The following PODXL2 variants were observed in gnomAD, a reference collection of about 807,000 sequenced individuals.
PODXL2 encodes the protein podocalyxin-like protein 2.
In PODXL2, 17 loss-of-function variants were observed where a neutral mutation model predicts 53.4. That is an observed-to-expected ratio of 0.32 (90% CI 0.22 to 0.48). The LOEUF is 0.48. Among genes scored for constraint, PODXL2 ranks in the 20% least tolerant of loss-of-function variants. PODXL2 has a pLI of 0.99. For synonymous variants in PODXL2, 311 were observed against 306.7 expected (o/e 1.01, Z -0.15); for missense variants, 673 against 760.0 (o/e 0.89, Z 1.35).
At chr3:127,633,902 G>A (rs1490564201) in intron 1 of PODXL2, among the ~76,000 whole-genome samples, 2 of 151,584 alleles carry the variant, frequency 1.3e-5, no homozygotes, top group Non-Finnish European at 2.9e-5. Context: ...GGACAGAGAT[G>A]GGGAGATACG....
Position 127,655,822 on chromosome 3 carries a change from G to A in PODXL2, c.350-4556G>A, listed in dbSNP as rs1576432050. Among the ~76,000 whole-genome samples, 3 of 152,230 alleles carry A rather than the reference G, an allele frequency of 2.0e-5. No homozygotes were observed. The South Asian group carries it at 6.2e-4, about 32-fold the overall frequency. On this transcript the variant is annotated intron_variant, in intron 2 of 7. Transcript: ENST00000342480. Reference sequence around the variant, plus strand: ...GAAGATGTAAATTTGGGAGCCTTTAGCATAGAGAAAATAGATGCAGCCTGT... The same window carrying A: ...GAAGATGTAAATTTGGGAGCCTTTAACATAGAGAAAATAGATGCAGCCTGT...
intron 4 of PODXL2, among the ~76,000 whole-genome samples, chr3:127,663,861 G>A (rs776022747): frequency 3.3e-5 from 5 of 152,100 alleles, no homozygotes; most frequent in South Asian, 4.1e-4. Context: ...CCTAAAGTTC[G>A]TATCTTTTTG....
At chr3:127,636,439 T>C (rs2107703551) in intron 1 of PODXL2, among the ~76,000 whole-genome samples, 1 of 152,344 alleles carries the variant, frequency 6.6e-6, no homozygotes, top group East Asian at 1.9e-4. Flanking sequence ...TAATTCATCC[T>C]CTCCCAGGAA....
Position 127,639,357 on chromosome 3 carries a change from A to G in PODXL2, c.183A>G (p.Ser61=). Residue 61 remains serine (S), a synonymous_variant, in exon 2 of 8, where the codon TCA becomes TCG. Coordinates refer to ENST00000342480, the MANE Select transcript of PODXL2 (RefSeq NM_015720.4). The part of the protein sequence containing the change: ...LLPTGLEPLD[S]EEPSETMGLG... ...CCACTGGCTTGGAGCCACTGGACTC[A>G]GAGGAGCCTAGTGAGACCATGGGCC... The G allele has an allele frequency of 6.2e-7, 1 of 1,614,194 alleles. No homozygotes were observed.
rs2074809510 is a variant in PODXL2 at position 127,668,450 on chromosome 3, C to T, written c.1216C>T (p.Arg406Trp). The change falls in exon 5 of 8, where the codon CGG becomes TGG. Residue 406 changes from arginine (R) to tryptophan (W), a missense_variant. Physicochemically the swap from Arg to Trp is moderately radical, Grantham distance 101 (BLOSUM62 -3). Around this residue, in one of 3 missense-constraint regions of PODXL2, gnomAD observed 588 missense variants for 668.3 expected, o/e 0.88. Transcript: ENST00000342480. ...MTENIDCEVF[R>W]QHRGPQLLAL... ...CTTTCTGCCCTTGTAGGAGGTGTTCCGGCAGCACCGGGGGCCACAGCTCCT... is the reference window on the plus strand; with the variant it reads ...CTTTCTGCCCTTGTAGGAGGTGTTCTGGCAGCACCGGGGGCCACAGCTCCT... 1.3e-6 allele frequency: 2 copies of T among 1,536,338 alleles called. No individual in the cohort carries two copies. Among genetic ancestry groups the T allele is most frequent in the Non-Finnish European group, 8.8e-7 (1 of 1,141,940 alleles).
intron 4 of PODXL2, among the ~76,000 whole-genome samples, chr3:127,668,160 G>T (rs946662971): frequency 2.0e-5 from 3 of 151,212 alleles, no homozygotes; most frequent in Admixed American, 6.6e-5. Context: ...CCCCCGCCCC[G>T]CTCAACTGCA....
At chr3:127,671,708 G>T in intron 7 of PODXL2, 95 bp downstream of exon 7, 2 of 1,188,918 alleles carry the variant, frequency 1.7e-6, no homozygotes, top group Non-Finnish European at 2.4e-6. Flanking sequence ...TGACTCTCCT[G>T]GGCGCACAGG....
chr3:127,647,677 G>T (rs2074664905), intron 2 of PODXL2, among the ~76,000 whole-genome samples: 1 of 152,224 alleles, frequency 6.6e-6, no homozygotes, highest in African/African-American at 2.4e-5. Context: ...TCCCTTGCTG[G>T]CTTCGTTCTC....
intron 4 of PODXL2, 69 bp downstream of exon 4, chr3:127,662,380 C>A: frequency 1.6e-6 from 2 of 1,282,042 alleles, no homozygotes; most frequent in Non-Finnish European, 2.2e-6. Context: ...GGGCAGAGGG[C>A]AGGCTGGGGG....
In PODXL2 at chr3:127,668,591, G is replaced by A. The variant is rs780592558; in HGVS notation, c.1357G>A (p.Glu453Lys). 5 of 1,533,174 alleles carry A rather than the reference G, an allele frequency of 3.3e-6. No individual in the cohort carries two copies. The highest frequency in any genetic ancestry group is 4.0e-5 in the Admixed American group (2 of 50,200). The allele number at this position is 1,533,174 out of a possible 1,614,324, so 95.0% of individuals were successfully genotyped here. ...EQHLLMTLVGEQGVVPTQDVL... is the reference protein window; with the variant it reads ...EQHLLMTLVGKQGVVPTQDVL... ...GCACCTTCTCATGACACTGGTGGGC[G>A]AGCAGGGTGAGCGAGGGCAGGTGAT... The change falls in exon 5 of 8, where the codon GAG becomes AAG. Residue 453 changes from glutamate to lysine, a missense_variant. Physicochemically the swap from Glu to Lys is moderately conservative, Grantham distance 56 (BLOSUM62 1). This residue lies in a region of PODXL2 where 588 missense variants were observed against 668.3 expected (regional missense o/e 0.88). Coordinates refer to ENST00000342480, the MANE Select transcript of PODXL2 (RefSeq NM_015720.4).
At chr3:127,640,269 A>T (rs2074606692) in intron 2 of PODXL2, among the ~76,000 whole-genome samples, 1 of 152,256 alleles carries the variant, frequency 6.6e-6, no homozygotes, top group African/African-American at 2.4e-5. Flanking sequence ...TTGTGTGTGC[A>T]CATGGGGCAA....
At chr3:127,640,253 G>C (rs1012136468) in intron 2 of PODXL2, among the ~76,000 whole-genome samples, 1 of 152,244 alleles carries the variant, frequency 6.6e-6, no homozygotes, top group South Asian at 2.1e-4. Flanking sequence ...TGAGGAATTG[G>C]TGTGATTGTG....
At chr3:127,632,112 G>A (rs551688368) in intron 1 of PODXL2, among the ~76,000 whole-genome samples, 2 of 152,340 alleles carry the variant, frequency 1.3e-5, no homozygotes, top group South Asian at 4.1e-4. Context: ...CCACAGTACT[G>A]TGCACAGACA....
intron 3 of PODXL2, 64 bp from the exon 4 acceptor site, chr3:127,662,173 T>G (rs1205232964): frequency 7.0e-6 from 10 of 1,426,212 alleles, no homozygotes; most frequent in Admixed American, 1.7e-5. Context: ...CGACCGGGGC[T>G]CTCTCCCCTG....
At chr3:127,670,818 G>A (rs2074827356) in intron 6 of PODXL2, among the ~76,000 whole-genome samples, 2 of 152,258 alleles carry the variant, frequency 1.3e-5, no homozygotes, top group South Asian at 4.1e-4. Flanking sequence ...TCCTTGGCCA[G>A]AGAAGGCAGG....
At chr3:127,653,375 AG>A (rs1402472315) in intron 2 of PODXL2, among the ~76,000 whole-genome samples, 1 of 152,204 alleles carries the variant, frequency 6.6e-6, no homozygotes, top group Non-Finnish European at 1.5e-5. Context: ...GGCCGGGTGC[AG>A]GGGCTCTCTC....
chr3:127,660,940 G>A lies in PODXL2; in HGVS notation c.912G>A (p.Pro304=), dbSNP rs372932291. Residue 304 remains proline, a synonymous_variant, in exon 3 of 8, where the codon CCG becomes CCA. Transcript: ENST00000342480. The stretch of plus-strand genomic sequence containing the variant: ...TGTCTGGCCAGCACGAGGAGGTGCC[G>A]GCCTTGCCTTCATTCCCTCAAACCA... ...AGLSGQHEEV[P]ALPSFPQTTA... is the part of the protein sequence containing the mutation. The A allele has an allele frequency of 7.6e-5, 122 of 1,614,212 alleles. No homozygotes were observed. The highest frequency in any genetic ancestry group is 7.4e-4 in the South Asian group (67 of 91,088).
intron 1 of PODXL2, among the ~76,000 whole-genome samples, chr3:127,633,775 G>C (rs1056916610): frequency 2.0e-5 from 3 of 152,014 alleles, no homozygotes; most frequent in African/African-American, 7.2e-5. Context: ...GTAGTTTGTT[G>C]AGAAGGCTGT....
At chr3:127,649,981 C>T (rs1463681160) in intron 2 of PODXL2, among the ~76,000 whole-genome samples, 1 of 152,228 alleles carries the variant, frequency 6.6e-6, no homozygotes, top group African/African-American at 2.4e-5. Flanking sequence ...TCTTCCCTTG[C>T]ACCTCTGTTT....
Sources: gnomAD v4.1 joint callset for allele counts (sites outside exome capture counted in the v4.1 genomes callset) on GRCh38, gnomAD v4.1.1 for gene constraint, gnomAD v4.1.1 regional missense constraint, MANE v1.5 for transcripts, NCBI Gene and HGNC (gene_info 2026-07-23, HGNC 2026-07-21) for gene names.